ZNF638: variants seen among roughly 807,000 people sequenced by gnomAD.
ZNF638 encodes the protein zinc finger protein 638.
ZNF638 carries 46 observed loss-of-function variants against 195.6 expected under a neutral mutation model. That is an observed-to-expected ratio of 0.24 (90% CI 0.19 to 0.30). The LOEUF (loss-of-function observed/expected upper bound fraction) is 0.30. Ranked by LOEUF, ZNF638 falls within the 10% of genes least tolerant of loss-of-function variation. ZNF638 has a pLI of 1.00. For missense variants in ZNF638, 2,440 were observed against 2,325.3 expected (o/e 1.05, Z -1.01); for synonymous variants, 845 against 772.0 (o/e 1.09, Z -1.57).
Position 71,349,746 on chromosome 2 carries a change from T to C in ZNF638, c.792T>C (p.Pro264=). 1 of 1,614,250 alleles carries C rather than the reference T, an allele frequency of 6.2e-7. No individual in the cohort carries two copies. Among genetic ancestry groups the C allele is most frequent in the Non-Finnish European group, 8.5e-7 (1 of 1,180,046 alleles). The change falls in exon 2 of 28, where the codon CCT becomes CCC. Residue 264 remains proline (P), a synonymous_variant. Coordinates refer to ENST00000264447, the MANE Select transcript of ZNF638 (RefSeq NM_014497.5). Reference sequence around the variant, plus strand: ...ATGTGATATGTAATTCTATGTTTCCTGTTGAAGACGTATTTCGCCAAATGG... The same window carrying C: ...ATGTGATATGTAATTCTATGTTTCCCGTTGAAGACGTATTTCGCCAAATGG... ...NPNVICNSMF[P]VEDVFRQMDF...
chr2:71,391,746 A>G (rs958901657), intron 10 of ZNF638, among the ~76,000 whole-genome samples: 2 of 152,194 alleles, frequency 1.3e-5, no homozygotes, highest in African/African-American at 2.4e-5. Flanking sequence ...CCTTGGGCAT[A>G]ACTACTGATA....
At chr2:71,396,833 G>T (rs1392813766) in intron 11 of ZNF638, among the ~76,000 whole-genome samples, 1 of 152,162 alleles carries the variant, frequency 6.6e-6, no homozygotes, top group Non-Finnish European at 1.5e-5. Flanking sequence ...TGTAATCTCA[G>T]CTACTGGGAA....
chr2:71,361,433 A>G (rs1254362033), intron 3 of ZNF638, among the ~76,000 whole-genome samples: 24 of 152,180 alleles, frequency 1.6e-4, no homozygotes, highest in Admixed American at 1.4e-3. Flanking sequence ...CCATTAAATG[A>G]CAGCACCTAT....
chr2:71,410,992 C>CCCTCTTTT (rs1553484599), intron 20 of ZNF638, among the ~76,000 whole-genome samples: 1 of 24,506 alleles, frequency 4.1e-5, no homozygotes, highest in Non-Finnish European at 7.7e-5. Flanking sequence ...CTCCCCCCCC[C>CCCTCTTTT]TTTTTTTTTT....
At chr2:71,422,759 AT>A in intron 21 of ZNF638, 54 bp from the exon 22 acceptor site, 1 of 1,538,012 alleles carries the variant, frequency 6.5e-7, no homozygotes. Flanking sequence ...TCATAGTTTG[AT>A]TTTTGTTTGT....
chr2:71,424,984 A>G (rs1300841684), intron 23 of ZNF638, among the ~76,000 whole-genome samples: 5 of 152,208 alleles, frequency 3.3e-5, no homozygotes, highest in Admixed American at 1.3e-4. Flanking sequence ...GAGTAGGGCA[A>G]TACCTCCAAT....
At chr2:71,384,303 A>G (rs1289734017) in intron 10 of ZNF638, among the ~76,000 whole-genome samples, 1 of 152,222 alleles carries the variant, frequency 6.6e-6, no homozygotes, top group Non-Finnish European at 1.5e-5. Context: ...GTTGTTGCCC[A>G]GAGGTCTCTT....
Position 71,422,816 on chromosome 2 carries a change from C to T in ZNF638, c.3302C>T (p.Pro1101Leu). ...TGTTTGTTTTTAAATACTTTTAGCC[C>T]TGGCTTGAAAAACAGTCCAATTGAT... ...EHDPELEKES[P>L]GLKNSPIDES... Residue 1101 changes from proline (P) to leucine (L), a missense_variant and splice_region_variant, in exon 22 of 28, where the codon CCT (proline) becomes CTT (leucine). Physicochemically the swap from Pro to Leu is moderately conservative, Grantham distance 98. Coordinates refer to ENST00000264447, the MANE Select transcript of ZNF638 (RefSeq NM_014497.5). 1 of 1,605,668 alleles carries T rather than the reference C, an allele frequency of 6.2e-7. No individual in the cohort carries two copies.
chr2:71,369,989 G>C lies in ZNF638; in HGVS notation c.2249G>C (p.Gly750Ala). The C allele has an allele frequency of 6.3e-7, 1 of 1,591,316 alleles. No individual in the cohort carries two copies. Among genetic ancestry groups the C allele is most frequent in the South Asian group, 1.2e-5 (1 of 85,246 alleles). ...AAAAGTGTGAAAATATGTGTTCCAG[G>C]AAAGAAAAAAGCACAGGTAATCTGG... ...KGKSVKICVP[G>A]KKKAQNKEVK... The change falls in exon 8 of 28, where the codon GGA becomes GCA. Residue 750 changes from glycine (G) to alanine (A), a missense_variant. Gly to Ala is a moderately conservative substitution (Grantham distance 60). Transcript: ENST00000264447.
In ZNF638 at chr2:71,422,783, GTTCTTTTTGTTTGTT is replaced by G; in HGVS notation, c.3300-28_3300-14del. 6.3e-7 allele frequency: 1 copy of G among 1,577,686 alleles called. No homozygotes were observed. Among genetic ancestry groups the G allele is most frequent in the South Asian group, 1.2e-5 (1 of 85,744 alleles). ...GATTTTTGTTTGTGTTTTTGTTTGT[GTTCTTTTTGTTTGTT>G]TTTAAATACTTTTAGCCCTGGCTTG... On this transcript the variant is annotated splice_polypyrimidine_tract_variant and intron_variant, in intron 21 of 27. Transcript: ENST00000264447.
At chr2:71,339,214 C>G (rs2078723214) in intron 1 of ZNF638, among the ~76,000 whole-genome samples, 1 of 151,134 alleles carries the variant, frequency 6.6e-6, no homozygotes, top group Admixed American at 6.6e-5. Flanking sequence ...TGCAGTGGCA[C>G]CATCTCAGTG....
chr2:71,352,742 C>G (rs970190119), intron 2 of ZNF638, among the ~76,000 whole-genome samples: 4 of 152,070 alleles, frequency 2.6e-5, no homozygotes, highest in South Asian at 2.1e-4. Flanking sequence ...TTAGGGAGAT[C>G]TGACTGAAGT....
chr2:71,369,794 G>A (rs2079276302), intron 7 of ZNF638, 89 bp from the exon 8 acceptor site: 15 of 1,313,640 alleles, frequency 1.1e-5, no homozygotes, highest in Non-Finnish European at 1.5e-5. Context: ...ATAGTTTGAT[G>A]TTACAAAAGA....
chr2:71,381,492 A>C (rs2079534053), intron 10 of ZNF638, among the ~76,000 whole-genome samples: 1 of 152,134 alleles, frequency 6.6e-6, no homozygotes, highest in South Asian at 2.1e-4. Flanking sequence ...TTATGTGAAG[A>C]GATAAAATGT....
At chr2:71,400,394 G>A in intron 14 of ZNF638, 84 bp from the exon 15 acceptor site, 2 of 1,333,508 alleles carry the variant, frequency 1.5e-6, no homozygotes, top group Non-Finnish European at 2.1e-6. Context: ...ACGTTTTCAT[G>A]TAGCTACTGT....
chr2:71,352,486 T>TA (rs1197623098), intron 2 of ZNF638, among the ~76,000 whole-genome samples: 12 of 19,846 alleles, frequency 6.0e-4, no homozygotes, highest in African/African-American at 7.3e-4. Flanking sequence ...TCAAAAAAAA[T>TA]AAAAAAAATA....
At position 71,427,411 on chromosome 2, in the gene ZNF638, A is replaced by G. The variant is rs1286535777; in HGVS notation, c.5542A>G (p.Thr1848Ala). ...DLKTMIERHL[T>A]AKTPTKRVRI... Reference sequence around the variant, plus strand: ...AAAAACCATGATTGAAAGACACTTAACAGGTAGATACTTGGAAGGGGTAGT... The same window carrying G: ...AAAAACCATGATTGAAAGACACTTAGCAGGTAGATACTTGGAAGGGGTAGT... Residue 1848 changes from threonine (T) to alanine (A), a missense_variant, in exon 24 of 28, where the codon ACA becomes GCA. Transcript: ENST00000264447. 1 of 1,542,598 alleles carries G rather than the reference A, an allele frequency of 6.5e-7. No homozygotes were observed. Among genetic ancestry groups the G allele is most frequent in the Middle Eastern group, 1.9e-4 (1 of 5,252 alleles).
intron 25 of ZNF638, chr2:71,428,945 G>T: frequency 4.5e-6 from 1 of 224,642 alleles, no homozygotes; most frequent in Non-Finnish European, 8.8e-6. Flanking sequence ...TGTGGACCTT[G>T]CTTTGTTGAT....
At chr2:71,380,337 TTTTAA>T in intron 9 of ZNF638, 57 bp downstream of exon 9, 5 of 1,331,584 alleles carry the variant, frequency 3.8e-6, no homozygotes, top group Non-Finnish European at 5.1e-6. Flanking sequence ...ACTTAAGAAA[TTTTAA>T]TTTTTAAAAC....
Sources: gnomAD v4.1 joint callset for allele counts (sites outside exome capture counted in the v4.1 genomes callset) on GRCh38, gnomAD v4.1.1 for gene constraint, MANE v1.5 for transcripts, NCBI Gene and HGNC (gene_info 2026-07-23, HGNC 2026-07-21) for gene names.